The following SGCZ variants were observed in gnomAD, a reference collection of about 807,000 sequenced individuals.
The protein encoded by SGCZ is zeta-sarcoglycan.
In SGCZ, 40 loss-of-function variants were observed where a neutral mutation model predicts 41.3. That is an observed-to-expected ratio of 0.97 (90% CI 0.75 to 1.26). SGCZ has a LOEUF of 1.26. Ranked by LOEUF, SGCZ falls within the 50% of genes most tolerant of loss-of-function variation. The pLI is 0.00. For synonymous variants in SGCZ, 206 were observed against 137.5 expected, an observed-to-expected ratio of 1.50 and a Z score of -3.49; for missense variants, 552 against 369.8, an observed-to-expected ratio of 1.49 and a Z score of -4.04.
intron 1 of SGCZ, among the ~76,000 whole-genome samples, chr8:15,058,542 T>C (rs11779853): frequency 0.094 from 14,376 of 152,250 alleles, 885 homozygotes; most frequent in East Asian, 0.3. Context: ...TAAGCTGATT[T>C]TACTAACATT....
chr8:14,549,366 G>T (rs1002028610), intron 2 of SGCZ, among the ~76,000 whole-genome samples: 2 of 152,026 alleles, frequency 1.3e-5, no homozygotes, highest in Admixed American at 1.3e-4. Context: ...GAACAGACTT[G>T]AGTAATGCCA....
chr8:15,177,345 GGC>G (rs1800031047), intron 1 of SGCZ, among the ~76,000 whole-genome samples: 1 of 152,202 alleles, frequency 6.6e-6, no homozygotes, highest in African/African-American at 2.4e-5. Context: ...GAGGAAACCA[GGC>G]AGCTGGTGGG....
chr8:15,188,178 G>C (rs1452747587), intron 1 of SGCZ, among the ~76,000 whole-genome samples: 3 of 151,930 alleles, frequency 2.0e-5, no homozygotes, highest in African/African-American at 7.2e-5. Context: ...TCATTCATTG[G>C]AGTATTGTAT....
chr8:15,185,903 A>G (rs965429120), intron 1 of SGCZ, among the ~76,000 whole-genome samples: 1 of 151,902 alleles, frequency 6.6e-6, no homozygotes, highest in Non-Finnish European at 1.5e-5. Context: ...GCAAAGTCCA[A>G]AATAATACTA....
chr8:15,169,704 C>T (rs268398), intron 1 of SGCZ, among the ~76,000 whole-genome samples: 137,106 of 152,178 alleles, frequency 0.9, 61,790 homozygotes, highest in East Asian at 1. Context: ...GCACACTGCT[C>T]ATTTCCTGTA....
intron 1 of SGCZ, among the ~76,000 whole-genome samples, chr8:14,584,740 G>A (rs529798130): frequency 6.6e-6 from 1 of 152,038 alleles, no homozygotes; most frequent in South Asian, 2.1e-4. Context: ...ACATAAAGAA[G>A]GGAAAAGGGA....
chr8:15,064,393 T>G (rs532294216), intron 1 of SGCZ, among the ~76,000 whole-genome samples: 1 of 152,104 alleles, frequency 6.6e-6, no homozygotes, highest in Non-Finnish European at 1.5e-5. Flanking sequence ...GCACATATAT[T>G]ATACACAACT....
At chr8:14,137,480 C>T (rs1803235614) in intron 5 of SGCZ, among the ~76,000 whole-genome samples, 1 of 152,004 alleles carries the variant, frequency 6.6e-6, no homozygotes, top group South Asian at 2.1e-4. Context: ...TAGAGAAGGC[C>T]TTAAATGACC....
rs79499712 is a variant in SGCZ, at chr8:15,161,349, C to T, written c.39+76236G>A. On this transcript the variant is annotated intron_variant, in intron 1 of 7. Transcript: ENST00000382080. ...TTCAGCTTTCTCATTTCCTGAAATG[C>T]TCCTTGTCTGTCTTCTCTGCTTTAT... Among the ~76,000 whole-genome samples the T allele has an allele frequency of 6.9e-3, 1,053 of 152,264 alleles. 8 individuals carry two copies. The highest frequency in any genetic ancestry group is 0.022 in the African/African-American group (906 of 41,544).
At chr8:15,061,736 C>T (rs956099452) in intron 1 of SGCZ, among the ~76,000 whole-genome samples, 2 of 152,010 alleles carry the variant, frequency 1.3e-5, no homozygotes, top group Non-Finnish European at 2.9e-5. Flanking sequence ...AATGCCAGTG[C>T]CTTGCTCAAT....
chr8:14,260,338 A>G (rs1799613095), intron 3 of SGCZ, among the ~76,000 whole-genome samples: 1 of 150,884 alleles, frequency 6.6e-6, no homozygotes, highest in Admixed American at 6.7e-5. Context: ...CAAAAAACAC[A>G]TGAAACAATG....
chr8:14,216,367 A>G (rs1029837990), intron 4 of SGCZ, among the ~76,000 whole-genome samples: 1 of 152,142 alleles, frequency 6.6e-6, no homozygotes, highest in South Asian at 2.1e-4. Flanking sequence ...GTCTCCTCCG[A>G]ATCACAGGAG....
rs142929543 is a variant in SGCZ, at chr8:14,232,308, G to C, written c.424+5284C>G. ...TTGGACAAAGAAGGCAAGCACCTCA[G>C]ATCTCTGAAGAAACCAGTCAACTCT... On this transcript the variant is annotated intron_variant, in intron 4 of 7. Transcript: ENST00000382080. Among the ~76,000 whole-genome samples the C allele has an allele frequency of 1.3e-3, 191 of 152,060 alleles. No homozygotes were observed. In the Middle Eastern group the frequency reaches 0.017, roughly 14 times the overall value.
intron 1 of SGCZ, among the ~76,000 whole-genome samples, chr8:15,178,080 G>A (rs188099794): frequency 3.9e-5 from 6 of 152,034 alleles, no homozygotes; most frequent in Non-Finnish European, 8.8e-5. Flanking sequence ...TGAATTCCCT[G>A]CCATTTCCCC....
intron 2 of SGCZ, among the ~76,000 whole-genome samples, chr8:14,551,899 T>C (rs1052336159): frequency 6.7e-6 from 1 of 150,150 alleles, no homozygotes; most frequent in Non-Finnish European, 1.5e-5. Context: ...TCCACAAACA[T>C]CATAAAACAT....
At chr8:15,220,318 C>T (rs1197557992) in intron 1 of SGCZ, among the ~76,000 whole-genome samples, 1 of 152,052 alleles carries the variant, frequency 6.6e-6, no homozygotes, top group African/African-American at 2.4e-5. Flanking sequence ...TAGTCTTATT[C>T]CATTAAGTGT....
intron 1 of SGCZ, among the ~76,000 whole-genome samples, chr8:14,822,918 G>C (rs1431316272): frequency 6.6e-6 from 1 of 152,024 alleles, no homozygotes; most frequent in Non-Finnish European, 1.5e-5. Flanking sequence ...ACCAAATGTA[G>C]TGCCATGCCA....
At position 14,235,457 on chromosome 8, in the gene SGCZ, T is replaced by C. The variant is rs369614944; in HGVS notation, c.424+2135A>G. The stretch of plus-strand genomic sequence containing the variant: ...ACATTTTTTTCTTTCTCCGTCCTCC[T>C]CTTGCTATTTTCTCTCATTTGGCAA... On this transcript the variant is annotated intron_variant, in intron 4 of 7. Transcript: ENST00000382080. Among the ~76,000 whole-genome samples, 19 of 152,346 alleles carry C rather than the reference T, an allele frequency of 1.2e-4. No individual in the cohort carries two copies. The East Asian group carries it at 3.3e-3, about 26-fold the overall frequency.
At chr8:14,824,982 A>C (rs568260434) in intron 1 of SGCZ, among the ~76,000 whole-genome samples, 1 of 152,214 alleles carries the variant, frequency 6.6e-6, no homozygotes, top group African/African-American at 2.4e-5. Context: ...AGACCAACAC[A>C]TATCCCTAAA....
Sources: allele counts gnomAD v4.1 joint callset (sites outside exome capture counted in the v4.1 genomes callset), GRCh38; gene constraint gnomAD v4.1.1; transcripts MANE v1.5; gene names NCBI Gene and HGNC (gene_info 2026-07-23, HGNC 2026-07-21).